The following VPS8 variants were observed in gnomAD, a reference collection of about 807,000 sequenced individuals.
VPS8 encodes VPS8 subunit of CORVET complex.
A neutral mutation model predicts 216.4 loss-of-function variants in VPS8; 129 were observed. The ratio of observed to expected loss-of-function variants is 0.60; its 90% CI spans 0.52 to 0.69. The LOEUF (loss-of-function observed/expected upper bound fraction) is 0.69. Among genes scored for constraint, VPS8 ranks in the 30% least tolerant of loss-of-function variants. The pLI, the probability that VPS8 is intolerant of heterozygous loss-of-function variation, is 0.00. For missense variants in VPS8, 1,531 were observed against 1,683.5 expected, an observed-to-expected ratio of 0.91 and a Z score of 1.59; for synonymous variants, 571 against 565.4, an observed-to-expected ratio of 1.01 and a Z score of -0.14.
chr3:184,887,107 C>T (rs1272129516), intron 22 of VPS8, among the ~76,000 whole-genome samples: 1 of 152,120 alleles, frequency 6.6e-6, no homozygotes, highest in East Asian at 1.9e-4. Flanking sequence ...CTGTGGGAGG[C>T]CGAGGTGGGA....
intron 45 of VPS8, among the ~76,000 whole-genome samples, chr3:185,004,129 G>A (rs1034835946): frequency 5.9e-5 from 9 of 152,228 alleles, no homozygotes; most frequent in South Asian, 2.1e-4. Context: ...CAAGGCAGGC[G>A]GCCGGGAGGT....
chr3:184,819,136 A>T (rs1177106459), intron 1 of VPS8, among the ~76,000 whole-genome samples: 2 of 152,306 alleles, frequency 1.3e-5, no homozygotes, highest in East Asian at 3.9e-4. Flanking sequence ...TGGTCCTTGA[A>T]TCTATTAATT....
intron 45 of VPS8, among the ~76,000 whole-genome samples, chr3:185,015,682 T>C (rs1000921767): frequency 6.6e-6 from 1 of 152,218 alleles, no homozygotes; most frequent in African/African-American, 2.4e-5. Context: ...AAAAGAGTTA[T>C]CGAGAATACC....
chr3:184,865,246 G>A (rs905374823), intron 16 of VPS8, among the ~76,000 whole-genome samples: 2 of 152,052 alleles, frequency 1.3e-5, no homozygotes, highest in African/African-American at 2.4e-5. Flanking sequence ...AAAAACTAAT[G>A]GTCAAAAACT....
At chr3:184,834,471 C>T (rs1446116408) in intron 4 of VPS8, among the ~76,000 whole-genome samples, 178 bp from the exon 5 acceptor site, 4 of 151,646 alleles carry the variant, frequency 2.6e-5, no homozygotes, top group Admixed American at 2.6e-4. Flanking sequence ...GCACATTGTG[C>T]ACATGTACCC....
intron 42 of VPS8, among the ~76,000 whole-genome samples, chr3:184,990,350 C>A (rs1458428660): frequency 1.3e-5 from 2 of 152,188 alleles, no homozygotes; most frequent in African/African-American, 2.4e-5. Context: ...TAGCTTACCC[C>A]CGAGGCTGTG....
Position 185,052,074 on chromosome 3 carries a change from G to A in VPS8, c.*49G>A, listed in dbSNP as rs1156989048. On this transcript the variant is annotated 3_prime_UTR_variant, in exon 48 of 48. Coordinates refer to ENST00000625842, the MANE Select transcript of VPS8 (RefSeq NM_001009921.3). ...GAGAACCAGAGATGATCCCGAGGCA[G>A]CTGGGGAGAGGCCCCGCCTCTGGTG... The A allele has an allele frequency of 6.4e-7, 1 of 1,551,572 alleles. No homozygotes were observed. Among genetic ancestry groups the A allele is most frequent in the Non-Finnish European group, 8.7e-7 (1 of 1,149,706 alleles).
intron 46 of VPS8, among the ~76,000 whole-genome samples, 152 bp from the exon 47 acceptor site, chr3:185,048,327 T>C (rs774114947): frequency 2.0e-5 from 3 of 152,240 alleles, no homozygotes; most frequent in African/African-American, 7.2e-5. Flanking sequence ...TTCTAACTCA[T>C]GTTCAGTATA....
At chr3:184,905,393 T>C (rs1024624243) in intron 25 of VPS8, among the ~76,000 whole-genome samples, 2 of 152,206 alleles carry the variant, frequency 1.3e-5, no homozygotes, top group Non-Finnish European at 2.9e-5. Flanking sequence ...TAGTTGTTGA[T>C]AGTATTCCTT....
rs1350916741 is a variant in VPS8 at position 184,964,529 on chromosome 3, T to C, written c.3245T>C (p.Ile1082Thr). 11 of 1,520,048 alleles carry C rather than the reference T, an allele frequency of 7.2e-6. No homozygotes were observed. Among genetic ancestry groups the C allele is most frequent in the Middle Eastern group, 3.4e-4 (2 of 5,858 alleles). The allele number at this position is 1,520,048 out of a possible 1,614,324, so 94.2% of individuals were successfully genotyped here. A position where few individuals can be genotyped will look rare whatever the true frequency, so the allele number is the denominator to read the frequency against. Reference protein sequence around the residue: ...TAYLLEKKGDIHGAFLIMLER... With the variant: ...TAYLLEKKGDTHGAFLIMLER... ...TATCTATTGGAAAAGAAAGGAGATA[T>C]TCATGGTGCCTTCCTAATAATGTTA... Residue 1082 changes from isoleucine to threonine, a missense_variant, in exon 38 of 48, where the codon ATT becomes ACT. This residue lies in a region of VPS8 where 1,318 missense variants were observed against 1,468.4 expected (regional missense o/e 0.90). Coordinates refer to ENST00000625842, the MANE Select transcript of VPS8 (RefSeq NM_001009921.3).
chr3:184,891,658 G>A (rs1732380524), intron 22 of VPS8, among the ~76,000 whole-genome samples: 1 of 152,058 alleles, frequency 6.6e-6, no homozygotes, highest in South Asian at 2.1e-4. Context: ...TGTGGTACTT[G>A]TATCAAAAAA....
At chr3:184,969,885 G>A (rs1445066685) in intron 39 of VPS8, among the ~76,000 whole-genome samples, 4 of 146,934 alleles carry the variant, frequency 2.7e-5, no homozygotes, top group African/African-American at 1.0e-4. Flanking sequence ...TCTCATGCCT[G>A]CCATCTACTT....
At chr3:184,907,737 G>T (rs1735741472) in intron 25 of VPS8, among the ~76,000 whole-genome samples, 1 of 152,120 alleles carries the variant, frequency 6.6e-6, no homozygotes, top group Admixed American at 6.5e-5. Flanking sequence ...TTGAAAGTGG[G>T]ATATTGAAGT....
chr3:184,880,304 C>T (rs1006707159), intron 21 of VPS8, among the ~76,000 whole-genome samples: 6 of 152,052 alleles, frequency 3.9e-5, no homozygotes, highest in African/African-American at 1.2e-4. Context: ...ATAGCCACAC[C>T]CACTTCTCTT....
chr3:185,032,044 A>G (rs1758247416), intron 46 of VPS8, among the ~76,000 whole-genome samples: 1 of 152,078 alleles, frequency 6.6e-6, no homozygotes. Flanking sequence ...GGCACCTGTA[A>G]TCCAGTCTAC....
Position 184,898,477 on chromosome 3 carries a change from G to A in VPS8, c.2005-88G>A, listed in dbSNP as rs1733918166. Reference sequence around the variant, plus strand: ...AAGAAACAAGAAAAATTAGGGAAGAGCATTCAAGACCTTTCCCATTCTTAA... The same window carrying A: ...AAGAAACAAGAAAAATTAGGGAAGAACATTCAAGACCTTTCCCATTCTTAA... On this transcript the variant is annotated intron_variant, in intron 23 of 47. Transcript: ENST00000625842. 3.0e-6 allele frequency: 3 copies of A among 1,004,988 alleles called. No homozygotes were observed. The Admixed American group carries it at 7.9e-5, about 26-fold the overall frequency. The allele number at this position is 1,004,988 out of a possible 1,614,324, so 62.3% of individuals were successfully genotyped here.
intron 37 of VPS8, among the ~76,000 whole-genome samples, chr3:184,960,682 A>C (rs1486590663): frequency 1.3e-5 from 2 of 152,130 alleles, no homozygotes; most frequent in Admixed American, 1.3e-4. Flanking sequence ...GCAACATCCC[A>C]ATATTAGGTT....
At chr3:185,047,360 G>A (rs947964410) in intron 46 of VPS8, among the ~76,000 whole-genome samples, 36 of 143,954 alleles carry the variant, frequency 2.5e-4, no homozygotes, top group Non-Finnish European at 4.4e-4. Context: ...ATCCCCATGT[G>A]AGCAAAAACA....
intron 16 of VPS8, among the ~76,000 whole-genome samples, chr3:184,864,341 T>C (rs1003092926): frequency 6.6e-6 from 1 of 152,106 alleles, no homozygotes. Flanking sequence ...GAAGACTCCA[T>C]GATTTGAGAA....
Sources: allele counts gnomAD v4.1 joint callset (sites outside exome capture counted in the v4.1 genomes callset), GRCh38; gene constraint gnomAD v4.1.1; regional missense constraint gnomAD v4.1.1; transcripts MANE v1.5; gene names NCBI Gene and HGNC (gene_info 2026-07-23, HGNC 2026-07-21).